ADCY9: variants seen among roughly 807,000 people sequenced by gnomAD.
The protein encoded by ADCY9 is adenylate cyclase 9.
In ADCY9, 50 loss-of-function variants were observed where a neutral mutation model predicts 101.5. The observed-to-expected ratio is 0.49, with a 90% CI of 0.39 to 0.62. The LOEUF (loss-of-function observed/expected upper bound fraction) is 0.62, where lower values mean the gene tolerates loss of function less well. Ranked by LOEUF, ADCY9 falls within the 20% of genes least tolerant of loss-of-function variation. The pLI, the probability that ADCY9 is intolerant of heterozygous loss-of-function variation, is 0.00. For synonymous variants in ADCY9, 905 were observed against 769.3 expected (o/e 1.18, Z -2.92); for missense variants, 1,662 against 1,800.4 (o/e 0.92, Z 1.39).
intron 2 of ADCY9, among the ~76,000 whole-genome samples, chr16:4,088,004 C>A (rs1597217889): frequency 6.6e-6 from 1 of 151,294 alleles, no homozygotes; most frequent in African/African-American, 2.4e-5. Flanking sequence ...AGTGTGAGCT[C>A]AAGCAATGCT....
chr16:4,091,396 G>C (rs1162746807), intron 2 of ADCY9, among the ~76,000 whole-genome samples: 1 of 152,110 alleles, frequency 6.6e-6, no homozygotes, highest in African/African-American at 2.4e-5. Context: ...TTTAAAAGTG[G>C]CAGAGGTTTG....
chr16:4,112,474 T>A (rs939555074), intron 2 of ADCY9, among the ~76,000 whole-genome samples: 1 of 152,088 alleles, frequency 6.6e-6, no homozygotes, highest in Admixed American at 6.5e-5. Flanking sequence ...AGAAAGAGAA[T>A]GCCAACTGGA....
rs1031277591 is a variant in ADCY9, at chr16:4,026,314, C to T, written c.1694-18756G>A. 2.6e-5 allele frequency among the ~76,000 whole-genome samples: 4 copies of T among 151,168 alleles called. No homozygotes were observed. In the South Asian group the frequency reaches 8.4e-4, roughly 32 times the overall value. ...GTGGCGTCACCTGTAGTCCCAGCTACTCGGGAGGCTGAGACAGGAGAACTA... is the reference window on the plus strand; with the variant it reads ...GTGGCGTCACCTGTAGTCCCAGCTATTCGGGAGGCTGAGACAGGAGAACTA... On this transcript the variant is annotated intron_variant, in intron 2 of 10. Coordinates refer to ENST00000294016, the MANE Select transcript of ADCY9 (RefSeq NM_001116.4).
chr16:4,112,629 G>A (rs1012251591), intron 2 of ADCY9, among the ~76,000 whole-genome samples: 2 of 151,846 alleles, frequency 1.3e-5, no homozygotes, highest in East Asian at 1.9e-4. Context: ...TACTTCTTCC[G>A]AGGATTCCCT....
rs189073566 is a variant in ADCY9 at position 3,992,099 on chromosome 16, G to C, written c.2207+47C>G. On this transcript the variant is annotated intron_variant, in intron 5 of 10. Transcript: ENST00000294016. This position sits in a 1 kb window ranked among gnomAD's most constrained non-coding sequence, Gnocchi z 4.2. Reference sequence around the variant, plus strand: ...GAAAAGAAAAGAAAAAGGCAGAGAGGCTTCTGCCTGCAACCTTTGCTTTTT... The same window carrying C: ...GAAAAGAAAAGAAAAAGGCAGAGAGCCTTCTGCCTGCAACCTTTGCTTTTT... 308 of 1,563,588 alleles carry C rather than the reference G, an allele frequency of 2.0e-4. 1 individual carries two copies. In the African/African-American group the frequency reaches 2.8e-3, roughly 14 times the overall value.
chr16:4,109,573 A>C (rs1265968990), intron 2 of ADCY9, among the ~76,000 whole-genome samples: 5 of 152,048 alleles, frequency 3.3e-5, no homozygotes, highest in Non-Finnish European at 7.4e-5. Context: ...CTGACTCCAC[A>C]TTGTCGCCAA....
intron 2 of ADCY9, among the ~76,000 whole-genome samples, chr16:4,089,914 C>T (rs567872205): frequency 7.9e-5 from 12 of 152,166 alleles, no homozygotes; most frequent in Non-Finnish European, 1.5e-4. Context: ...AAAAGCCAAC[C>T]CCCCTTAATC....
At chr16:3,971,222 TGCTGG>T (rs2056048795) in intron 10 of ADCY9, among the ~76,000 whole-genome samples, 1 of 151,954 alleles carries the variant, frequency 6.6e-6, no homozygotes, top group African/African-American at 2.4e-5. Context: ...CACCACTCAC[TGCTGG>T]AGGAATTAAG....
At chr16:3,982,422 G>C (rs2056151577) in intron 7 of ADCY9, 1 of 152,318 alleles carries the variant, frequency 6.6e-6, no homozygotes. Context: ...CAGCCATCCT[G>C]TTGAGGGTGA....
intron 2 of ADCY9, among the ~76,000 whole-genome samples, chr16:4,012,117 C>T (rs2056408223): frequency 1.3e-5 from 2 of 152,190 alleles, no homozygotes; most frequent in Admixed American, 1.3e-4. Context: ...CGCTGAATGA[C>T]CAACCCATAG....
Position 4,115,184 on chromosome 16 carries a change from A to C in ADCY9, c.259T>G (p.Ser87Ala). Residue 87 changes from serine (S) to alanine (A), a missense_variant, in exon 2 of 11, where the codon TCC becomes GCC. Transcript: ENST00000294016. This position sits in a 1 kb window ranked among gnomAD's most constrained non-coding sequence, Gnocchi z 6.2. ...KKLPQLFERASSRWWDPKFDS... is the reference protein window; with the variant it reads ...KKLPQLFERAASRWWDPKFDS... ...AACTTGGGGTCCCACCAGCGGCTGGAGGCCCTCTCGAACAGCTGGGGCAGC... is the reference window on the plus strand; with the variant it reads ...AACTTGGGGTCCCACCAGCGGCTGGCGGCCCTCTCGAACAGCTGGGGCAGC... 1 of 1,613,638 alleles carries C rather than the reference A, an allele frequency of 6.2e-7. No individual in the cohort carries two copies. Among genetic ancestry groups the C allele is most frequent in the Non-Finnish European group, 8.5e-7 (1 of 1,179,978 alleles).
downstream of ADCY9, among the ~76,000 whole-genome samples, chr16:3,961,460 A>G (rs909126893): frequency 2.0e-5 from 3 of 151,350 alleles, no homozygotes; most frequent in Non-Finnish European, 3.0e-5. Flanking sequence ...AAAAAAAAAA[A>G]ACCGAACAAA....
intron 2 of ADCY9, among the ~76,000 whole-genome samples, chr16:4,111,313 T>G (rs1182174890): frequency 1.3e-5 from 2 of 151,864 alleles, no homozygotes; most frequent in Non-Finnish European, 2.9e-5. Flanking sequence ...TAAGACAGAG[T>G]TGCTCTGTCG....
At chr16:4,021,295 A>G (rs885697) in intron 2 of ADCY9, among the ~76,000 whole-genome samples, 1 of 152,224 alleles carries the variant, frequency 6.6e-6, no homozygotes, top group African/African-American at 2.4e-5. Flanking sequence ...TGGCAGAGAC[A>G]GACAAGGCCA....
chr16:3,989,236 G>A (rs1318289016), intron 5 of ADCY9, 140 bp from the exon 6 acceptor site: 2 of 611,158 alleles, frequency 3.3e-6, no homozygotes, highest in Admixed American at 2.8e-5. Context: ...TGGAACAGAC[G>A]CCACTCAGCT....
rs2055957570 is a variant in ADCY9 at position 3,963,446 on chromosome 16, G to A, written c.*2329C>T. On this transcript the variant is annotated 3_prime_UTR_variant, in exon 11 of 11. Transcript: ENST00000294016. ...GCAGGGGACGGGGAGGACCCGAGGG[G>A]CTTCGTGGCCCAGAGAGAACGTCTG... The A allele has an allele frequency of 2.5e-6, 1 of 397,538 alleles. No individual in the cohort carries two copies. Among genetic ancestry groups the A allele is most frequent in the East Asian group, 3.6e-5 (1 of 27,962 alleles). The allele number at this position is 397,538 out of a possible 1,614,324, so 24.6% of individuals were successfully genotyped here.
chr16:3,979,070 G>C, intron 8 of ADCY9, 46 bp downstream of exon 8: 1 of 1,606,524 alleles, frequency 6.2e-7, no homozygotes, highest in East Asian at 2.2e-5. Flanking sequence ...GAGAGATTAG[G>C]GAGTCCAGGA....
chr16:4,112,920 G>GA (rs999751652), intron 2 of ADCY9, among the ~76,000 whole-genome samples: 2 of 151,830 alleles, frequency 1.3e-5, no homozygotes, highest in Non-Finnish European at 2.9e-5. Context: ...TCCTATATTA[G>GA]AAAAAACAAG....
chr16:4,008,291 C>A (rs997073945), intron 2 of ADCY9, among the ~76,000 whole-genome samples: 1 of 152,024 alleles, frequency 6.6e-6, no homozygotes, highest in Admixed American at 6.6e-5. Flanking sequence ...CGGACCCACA[C>A]TGCGCTGGAA....
Sources: gnomAD v4.1 joint callset for allele counts (sites outside exome capture counted in the v4.1 genomes callset) on GRCh38, gnomAD v4.1.1 for gene constraint, Gnocchi (gnomAD v3.1) non-coding constraint, MANE v1.5 for transcripts, NCBI Gene and HGNC (gene_info 2026-07-23, HGNC 2026-07-21) for gene names.